Variants in ZNF148 observed in about 807,000 individuals in gnomAD.
ZNF148 encodes the protein zinc finger protein 148.
A neutral mutation model predicts 67.7 loss-of-function variants in ZNF148; 7 were observed. The observed-to-expected ratio is 0.10, with a 90% CI of 0.06 to 0.19. The LOEUF is 0.19. Ranked by LOEUF, ZNF148 falls within the 10% of genes least tolerant of loss-of-function variation. ZNF148 has a pLI of 1.00. For synonymous variants in ZNF148, 333 were observed against 330.7 expected (o/e 1.01, Z -0.08); for missense variants, 583 against 947.1 (o/e 0.62, Z 5.05).
intron 2 of ZNF148, among the ~76,000 whole-genome samples, chr3:125,329,347 TTACATATATAAAA>T (rs1559760699): frequency 6.7e-5 from 1 of 15,014 alleles, no homozygotes; most frequent in African/African-American, 4.1e-4. Flanking sequence ...ATATAAAATT[TTACATATATAAAA>T]TTTTTTTTTT....
intron 4 of ZNF148, among the ~76,000 whole-genome samples, chr3:125,300,962 T>C: frequency 6.6e-6 from 1 of 151,996 alleles, no homozygotes; most frequent in East Asian, 1.9e-4. Flanking sequence ...CCAAATAGTT[T>C]TTTTAATTGC....
chr3:125,360,101 G>A (rs1182831768), intron 1 of ZNF148, among the ~76,000 whole-genome samples: 2 of 152,060 alleles, frequency 1.3e-5, no homozygotes, highest in African/African-American at 4.8e-5. Context: ...CTTTCCATAT[G>A]TTCTCTCCAT....
chr3:125,277,342 T>C (rs1439831626), intron 7 of ZNF148, among the ~76,000 whole-genome samples: 1 of 152,168 alleles, frequency 6.6e-6, no homozygotes, highest in Non-Finnish European at 1.5e-5. Flanking sequence ...GGTATATACA[T>C]GAAAGGGAAA....
chr3:125,336,925 G>T (rs936780991), intron 1 of ZNF148, among the ~76,000 whole-genome samples: 1 of 149,822 alleles, frequency 6.7e-6, no homozygotes, highest in Admixed American at 6.7e-5. Flanking sequence ...TCCACCCGCC[G>T]TGGCCTCCCA....
chr3:125,373,894 T>C (rs1942973591), intron 1 of ZNF148, among the ~76,000 whole-genome samples: 1 of 152,172 alleles, frequency 6.6e-6, no homozygotes, highest in Non-Finnish European at 1.5e-5. Flanking sequence ...CCATTAATTA[T>C]AATCTTGTGT....
rs1935632870 is a variant in ZNF148, at chr3:125,226,397, C to G, written c.*5944G>C. ...TGTATTCTATATTTTATTTTTCAAACAGCCAGTGTCCACATTTAAAATGCA... is the reference window on the plus strand; with the variant it reads ...TGTATTCTATATTTTATTTTTCAAAGAGCCAGTGTCCACATTTAAAATGCA... On this transcript the variant is annotated 3_prime_UTR_variant, in exon 9 of 9. Coordinates refer to ENST00000360647, the MANE Select transcript of ZNF148 (RefSeq NM_021964.3). The G allele has an allele frequency of 6.6e-6, 1 of 152,394 alleles. No homozygotes were observed. The highest frequency in any genetic ancestry group is 1.9e-4 in the East Asian group (1 of 5,190). 9.4% of individuals were successfully genotyped at this position (152,394 alleles called of 1,614,324 possible).
intron 4 of ZNF148, among the ~76,000 whole-genome samples, chr3:125,295,583 A>C (rs1463506160): frequency 1.3e-5 from 2 of 152,334 alleles, no homozygotes; most frequent in African/African-American, 4.8e-5. Flanking sequence ...AAACAAGAAA[A>C]GCACAGGCTT....
intron 7 of ZNF148, among the ~76,000 whole-genome samples, chr3:125,256,369 CAAA>C (rs34918292): frequency 5.1e-5 from 7 of 138,016 alleles, no homozygotes; most frequent in Non-Finnish European, 7.8e-5. Flanking sequence ...CTCCATTTCC[CAAA>C]AAAAAAAAAA....
At chr3:125,310,613 C>T (rs375626890) in intron 4 of ZNF148, among the ~76,000 whole-genome samples, 9 of 151,598 alleles carry the variant, frequency 5.9e-5, no homozygotes, top group African/African-American at 1.5e-4. Context: ...AAAATTAGAG[C>T]AGAAATAAAT....
At chr3:125,317,648 T>G (rs1387769558) in intron 3 of ZNF148, among the ~76,000 whole-genome samples, 1 of 6,216 alleles carries the variant, frequency 1.6e-4, no homozygotes, top group African/African-American at 5.0e-4. Context: ...ATCTTTTATA[T>G]ATATATATAT....
chr3:125,256,632 T>G (rs1937090542), intron 7 of ZNF148, among the ~76,000 whole-genome samples: 1 of 152,082 alleles, frequency 6.6e-6, no homozygotes, highest in Admixed American at 6.5e-5. Flanking sequence ...GCCGAGATCG[T>G]GCCACTACAC....
intron 7 of ZNF148, among the ~76,000 whole-genome samples, chr3:125,261,447 G>C (rs1000491796): frequency 1.1e-4 from 17 of 152,178 alleles, no homozygotes; most frequent in Non-Finnish European, 7.4e-5. Context: ...GCCAACGTAA[G>C]TACTATGTAT....
At chr3:125,343,587 C>T (rs1266631865) in intron 1 of ZNF148, among the ~76,000 whole-genome samples, 2 of 151,958 alleles carry the variant, frequency 1.3e-5, no homozygotes, top group African/African-American at 4.8e-5. Context: ...TCAGCAGAAT[C>T]CTAAAAGCAG....
At chr3:125,356,300 A>AT (rs1165962755) in intron 1 of ZNF148, among the ~76,000 whole-genome samples, 46 of 152,322 alleles carry the variant, frequency 3.0e-4, no homozygotes, top group African/African-American at 1.0e-3. Flanking sequence ...CTATTCTGGG[A>AT]TTGGTCACCA....
At chr3:125,351,117 G>A (rs1942132583) in intron 1 of ZNF148, among the ~76,000 whole-genome samples, 1 of 152,098 alleles carries the variant, frequency 6.6e-6, no homozygotes, top group South Asian at 2.1e-4. Flanking sequence ...CAAGATGGGA[G>A]GATCGCTTGA....
At chr3:125,279,407 A>G (rs571386985) in intron 5 of ZNF148, among the ~76,000 whole-genome samples, 160 bp from the exon 6 acceptor site, 2 of 152,338 alleles carry the variant, frequency 1.3e-5, no homozygotes, top group Admixed American at 1.3e-4. Context: ...TAATGTTATC[A>G]TTAACTGTAG....
At chr3:125,244,035 G>C (rs970991385) in intron 7 of ZNF148, among the ~76,000 whole-genome samples, 5 of 152,134 alleles carry the variant, frequency 3.3e-5, no homozygotes, top group Admixed American at 6.5e-5. Context: ...TATCTGAAAA[G>C]TATCAAGAAA....
At chr3:125,317,660 T>TAGAGAGAGAGAG (rs66600598) in intron 3 of ZNF148, among the ~76,000 whole-genome samples, 66 of 62,140 alleles carry the variant, frequency 1.1e-3, no homozygotes, top group African/African-American at 2.5e-3. Context: ...TATATATATA[T>TAGAGAGAGAGAG]ATAGAGAGAG....
chr3:125,238,124 C>G (rs949254608), intron 7 of ZNF148, among the ~76,000 whole-genome samples: 1 of 152,002 alleles, frequency 6.6e-6, no homozygotes, highest in South Asian at 2.1e-4. Flanking sequence ...ACATCATAAA[C>G]AAAAGTTAAC....
Sources: allele counts gnomAD v4.1 joint callset (sites outside exome capture counted in the v4.1 genomes callset), GRCh38; gene constraint gnomAD v4.1.1; transcripts MANE v1.5; gene names NCBI Gene and HGNC (gene_info 2026-07-23, HGNC 2026-07-21).